Variants in AGBL1 observed in about 807,000 individuals in gnomAD.
AGBL1 encodes the protein AGBL carboxypeptidase 1, also known as cytosolic carboxypeptidase 4.
Under a neutral mutation model 118.9 loss-of-function variants are expected in AGBL1, and 130 were observed. The ratio of observed to expected loss-of-function variants is 1.09; its 90% confidence interval spans 0.95 to 1.26. AGBL1 has a LOEUF of 1.26. Among genes scored for constraint, AGBL1 ranks in the 50% most tolerant of loss-of-function variants. The probability of loss-of-function intolerance (pLI) is 0.00; values close to 1 mark genes in which losing one functional copy is unlikely to be tolerated. For missense variants in AGBL1, 1,584 were observed against 1,298.1 expected (o/e 1.22, Z -3.38); for synonymous variants, 555 against 478.9 (o/e 1.16, Z -2.08).
Position 86,924,627 on chromosome 15 carries a change from A to G in AGBL1, c.3222-63360A>G, listed in dbSNP as rs77078432. Among the ~76,000 whole-genome samples the G allele has an allele frequency of 9.8e-3, 1,493 of 152,306 alleles. 28 individuals carry two copies. The highest frequency in any genetic ancestry group is 0.034 in the African/African-American group (1,433 of 41,576). On this transcript the variant is annotated intron_variant, in intron 23 of 24. Coordinates refer to the AGBL1 transcript ENST00000441037. ...CTATAATCTTTCAGAAGTGGGAAGC[A>G]GAGAGGGAATTGTGGTGGGGAAGGT...
chr15:86,447,385 G>A (rs2082134184), intron 18 of AGBL1, among the ~76,000 whole-genome samples: 1 of 152,204 alleles, frequency 6.6e-6, no homozygotes, highest in Admixed American at 6.5e-5. Context: ...GCCTGAAGCT[G>A]TTGGGCACTG....
At chr15:86,709,246 C>G (rs931870982) in intron 22 of AGBL1, among the ~76,000 whole-genome samples, 2 of 152,098 alleles carry the variant, frequency 1.3e-5, no homozygotes, top group African/African-American at 4.8e-5. Flanking sequence ...ATAGTGACCT[C>G]CTACTTAAAA....
At chr15:86,464,084 T>C (rs918218423) in intron 18 of AGBL1, among the ~76,000 whole-genome samples, 4 of 152,186 alleles carry the variant, frequency 2.6e-5, no homozygotes, top group Non-Finnish European at 4.4e-5. Context: ...CATGGATTGG[T>C]TTTCCATTTG....
chr15:86,105,695 C>T (rs995259689), intron 1 of AGBL1, among the ~76,000 whole-genome samples: 7 of 152,186 alleles, frequency 4.6e-5, no homozygotes, highest in African/African-American at 1.7e-4. Context: ...TGAATACAAC[C>T]TCTATGTGGT....
chr15:86,797,531 A>T (rs187828681), intron 22 of AGBL1, among the ~76,000 whole-genome samples: 139 of 152,344 alleles, frequency 9.1e-4, no homozygotes, highest in African/African-American at 3.2e-3. Flanking sequence ...CTAATTGCTG[A>T]TAGCTCTCTC....
intron 9 of AGBL1, among the ~76,000 whole-genome samples, chr15:86,260,817 G>T (rs17595649): frequency 0.048 from 7,297 of 152,216 alleles, 238 homozygotes; most frequent in South Asian, 0.12. Context: ...GGATTAGGTG[G>T]GTACCAGAAT....
At chr15:86,107,855 GCTT>G (rs1366672919) in intron 1 of AGBL1, among the ~76,000 whole-genome samples, 9 of 152,168 alleles carry the variant, frequency 5.9e-5, no homozygotes, top group African/African-American at 1.7e-4. Flanking sequence ...CTCTCAGAGA[GCTT>G]CTCAAAGCCT....
At chr15:87,003,959 A>G (rs2081469278) in intron 24 of AGBL1, among the ~76,000 whole-genome samples, 4 of 151,782 alleles carry the variant, frequency 2.6e-5, no homozygotes, top group Admixed American at 1.3e-4. Context: ...TTGTGTCTCT[A>G]TCTCCTTCAG....
At chr15:86,686,477 C>G (rs925250923) in intron 22 of AGBL1, among the ~76,000 whole-genome samples, 4 of 139,490 alleles carry the variant, frequency 2.9e-5, no homozygotes, top group African/African-American at 1.0e-4. Flanking sequence ...GAAGTCTTGC[C>G]CTGTCACTGG....
intron 22 of AGBL1, among the ~76,000 whole-genome samples, chr15:86,776,750 A>ATGTGTG (rs10570012): frequency 2.5e-4 from 35 of 139,728 alleles, no homozygotes; most frequent in African/African-American, 6.5e-4. Context: ...ATATATATAT[A>ATGTGTG]TGTGTGTGTG....
intron 22 of AGBL1, among the ~76,000 whole-genome samples, chr15:86,783,575 T>A (rs1248764737): frequency 6.6e-6 from 1 of 152,218 alleles, no homozygotes; most frequent in Non-Finnish European, 1.5e-5. Flanking sequence ...GCATCACTAT[T>A]TGAAAATTAT....
rs201845968 is a variant in AGBL1 at position 86,154,736 on chromosome 15, TTCA to T, written c.394+181_394+183del. 1.2e-4 allele frequency among the ~76,000 whole-genome samples: 19 copies of T among 152,300 alleles called. No homozygotes were observed. In the East Asian group the frequency reaches 3.7e-3, roughly 29 times the overall value. On this transcript the variant is annotated intron_variant, in intron 4 of 22. Coordinates refer to ENST00000614907, the MANE Select transcript of AGBL1 (RefSeq NM_001386094.1). Reference sequence around the variant, plus strand: ...AGAGGCTGTGGAGGTGAGAAGTTACTTCATCATCTTCTCCTTAGCTGGGTAGAG... The same window carrying T: ...AGAGGCTGTGGAGGTGAGAAGTTACTTCATCTTCTCCTTAGCTGGGTAGAG...
At position 86,372,739 on chromosome 15, in the gene AGBL1, C is replaced by T. The variant is rs147081767; in HGVS notation, c.2375-24627C>T. ...ATCGGGGAGGTTGCTCTCTGTCTCA[C>T]GCCAGCCTGGCTGGCTAGATTCCAG... On this transcript the variant is annotated intron_variant, in intron 17 of 22. Transcript: ENST00000614907. Among the ~76,000 whole-genome samples the T allele has an allele frequency of 7.1e-3, 1,078 of 152,014 alleles. 6 individuals carry two copies. Among genetic ancestry groups the T allele is most frequent in the African/African-American group, 0.018 (745 of 41,262 alleles).
At chr15:86,581,190 T>C (rs1442218352) in intron 21 of AGBL1, among the ~76,000 whole-genome samples, 1 of 152,182 alleles carries the variant, frequency 6.6e-6, no homozygotes, top group African/African-American at 2.4e-5. Flanking sequence ...ACGTGAGAAG[T>C]TGTATTTCTA....
intron 17 of AGBL1, among the ~76,000 whole-genome samples, chr15:86,339,310 T>A (rs1312735446): frequency 6.6e-6 from 1 of 152,224 alleles, no homozygotes; most frequent in East Asian, 1.9e-4. Context: ...AATTATAATA[T>A]GTCCTGCTCT....
chr15:86,545,401 A>C (rs58763315), intron 19 of AGBL1, among the ~76,000 whole-genome samples: 2 of 151,932 alleles, frequency 1.3e-5, no homozygotes, highest in South Asian at 4.2e-4. Context: ...TTTTATTTTA[A>C]TTTTTTTTAA....
intron 17 of AGBL1, among the ~76,000 whole-genome samples, chr15:86,302,619 A>G (rs2079767649): frequency 6.6e-6 from 1 of 151,972 alleles, no homozygotes; most frequent in African/African-American, 2.4e-5. Flanking sequence ...TCTACTAAAA[A>G]TACAAAAAAA....
In AGBL1 at chr15:86,838,729, C is replaced by T. The variant is rs186440851; in HGVS notation, c.3159-68358C>T. Among the ~76,000 whole-genome samples, 8 of 151,608 alleles carry T rather than the reference C, an allele frequency of 5.3e-5. No homozygotes were observed. In the South Asian group the frequency reaches 6.3e-4, roughly 12 times the overall value. ...CCGAGGCAGAAAGACTGCTTGAGCC[C>T]GGGAGTTTGAGACCAGCCAGGGCAA... On this transcript the variant is annotated intron_variant, in intron 22 of 22. Transcript: ENST00000614907.
At chr15:86,802,565 TGTA>T (rs1349750096) in intron 22 of AGBL1, among the ~76,000 whole-genome samples, 1 of 152,194 alleles carries the variant, frequency 6.6e-6, no homozygotes, top group African/African-American at 2.4e-5. Context: ...TAATATGTAA[TGTA>T]GTAAATATGT....
Sources: allele counts gnomAD v4.1 joint callset (sites outside exome capture counted in the v4.1 genomes callset), GRCh38; gene constraint gnomAD v4.1.1; transcripts MANE v1.5; gene names NCBI Gene and HGNC (gene_info 2026-07-23, HGNC 2026-07-21).